The following ZNF695 variants were observed in gnomAD, a reference collection of about 807,000 sequenced individuals.
ZNF695 encodes the protein zinc finger protein SBZF3.
In ZNF695, 11 loss-of-function variants were observed where a neutral mutation model predicts 11.2. The ratio of observed to expected loss-of-function variants is 0.98; its 90% CI spans 0.62 to 1.62. The LOEUF is 1.62. Ranked by LOEUF, ZNF695 falls within the 40% of genes most tolerant of loss-of-function variation. The pLI, the probability that ZNF695 is intolerant of heterozygous loss-of-function variation, is 0.00. For synonymous variants in ZNF695, 190 were observed against 201.4 expected, an observed-to-expected ratio of 0.94 and a Z score of 0.48; for missense variants, 559 against 590.5, an observed-to-expected ratio of 0.95 and a Z score of 0.55.
chr1:246,967,339 G>C lies in ZNF695; in HGVS notation c.488+356C>G, dbSNP rs574491543. ...AGGCAAGGACAGCTGTTAGAAGACT[G>C]TTGCAAAACCCCAAGCTAGAAATGC... On this transcript the variant is annotated intron_variant, in intron 5 of 5. Transcript: ENST00000487338. The C allele has an allele frequency of 1.0e-4, 47 of 456,388 alleles. No homozygotes were observed. The Admixed American group carries it at 1.1e-3, about 11-fold the overall frequency. 28.3% of individuals were successfully genotyped at this position (456,388 alleles called of 1,614,324 possible). A position where few individuals can be genotyped will look rare whatever the true frequency, so the allele number is the denominator to read the frequency against.
intron 5 of ZNF695, among the ~76,000 whole-genome samples, chr1:246,958,266 G>T (rs1009314483): frequency 6.6e-6 from 1 of 152,008 alleles, no homozygotes; most frequent in Non-Finnish European, 1.5e-5. Flanking sequence ...CACCATGTTA[G>T]CCAGGATGTT....
intron 4 of ZNF695, among the ~76,000 whole-genome samples, chr1:246,975,360 CAT>C (rs1668530653): frequency 6.6e-6 from 1 of 152,096 alleles, no homozygotes; most frequent in Non-Finnish European, 1.5e-5. Context: ...GTGTATTTTC[CAT>C]ATATTTATGT....
intron 5 of ZNF695, among the ~76,000 whole-genome samples, chr1:246,951,434 C>T (rs1193099942): frequency 6.6e-6 from 1 of 152,204 alleles, no homozygotes; most frequent in Non-Finnish European, 1.5e-5. Flanking sequence ...ATGTCTGGGG[C>T]TACCAGAAGC....
intron 4 of ZNF695, among the ~76,000 whole-genome samples, chr1:246,971,557 G>A (rs373544420): frequency 3.4e-4 from 51 of 152,138 alleles, no homozygotes; most frequent in African/African-American, 1.1e-3. Flanking sequence ...GCCCTCTAGT[G>A]GCCCTGTCTG....
chr1:246,955,309 T>C lies in ZNF695; in HGVS notation c.489-9482A>G, dbSNP rs114610489. 5.6e-3 allele frequency among the ~76,000 whole-genome samples: 851 copies of C among 152,324 alleles called. 6 individuals carry two copies. Among genetic ancestry groups the C allele is most frequent in the South Asian group, 0.018 (86 of 4,828 alleles). ...TACAAACCTGTACAGCATGTTACTG[T>C]ACTGAATAGTGTAAGGAAATCATCA... On this transcript the variant is annotated intron_variant, in intron 5 of 5. Coordinates refer to the ZNF695 transcript ENST00000487338.
intron 3 of ZNF695, 92 bp downstream of exon 3, chr1:246,999,256 G>A (rs1669294331): frequency 2.0e-6 from 2 of 993,990 alleles, no homozygotes; most frequent in East Asian, 4.9e-5. Context: ...CCATTTCCTG[G>A]GAGTAGAGCT....
chr1:247,000,203 T>A, intron 1 of ZNF695, 129 bp from the exon 2 acceptor site: 1 of 816,982 alleles, frequency 1.2e-6, no homozygotes, highest in Non-Finnish European at 1.9e-6. Flanking sequence ...TAAGATAATT[T>A]TTAACACAGA....
rs1779983 is a variant in ZNF695, at chr1:246,963,353, A to G, written c.488+4342T>C. ...GTAATCCTAGTACTTTGGGAGGCTG[A>G]GGCAGGAGGATCACTTGAGGCTAGG... On this transcript the variant is annotated intron_variant, in intron 5 of 5. Transcript: ENST00000487338. 8.8e-3 allele frequency among the ~76,000 whole-genome samples: 1,341 copies of G among 152,310 alleles called. 25 individuals are homozygous for G. The highest frequency in any genetic ancestry group is 0.031 in the African/African-American group (1,272 of 41,572).
intron 1 of ZNF695, among the ~76,000 whole-genome samples, chr1:247,004,972 GACTGTTAAAATGTT>G (rs59098273): frequency 0.027 from 4,042 of 152,286 alleles, 78 homozygotes; most frequent in Admixed American, 0.061. Context: ...TGGATTGGAA[GACTGTTAAAATGTT>G]ACTGTTAAAA....
intron 5 of ZNF695, chr1:246,967,641 A>C (rs1472382184): frequency 2.7e-6 from 1 of 364,140 alleles, no homozygotes; most frequent in East Asian, 7.3e-5. Flanking sequence ...CATTGCTATA[A>C]AGAACCACCT....
chr1:246,963,359 G>T (rs1369561108), intron 5 of ZNF695, among the ~76,000 whole-genome samples: 1 of 152,216 alleles, frequency 6.6e-6, no homozygotes, highest in Non-Finnish European at 1.5e-5. Context: ...GCTGAGGCAG[G>T]AGGATCACTT....
intron 5 of ZNF695, among the ~76,000 whole-genome samples, chr1:246,966,615 T>C (rs949741336): frequency 6.6e-6 from 1 of 152,114 alleles, no homozygotes; most frequent in Non-Finnish European, 1.5e-5. Flanking sequence ...CATGAACCTG[T>C]CTCTACAATT....
At chr1:246,967,295 T>C in intron 5 of ZNF695, 2 of 450,268 alleles carry the variant, frequency 4.4e-6, no homozygotes, top group Non-Finnish European at 8.9e-6. Context: ...GAGAATAGAT[T>C]GTAAGAAGAC....
In ZNF695 at chr1:246,987,890, C is replaced by T. The variant is rs1426887299; in HGVS notation, c.625G>A (p.Glu209Lys). 6.2e-7 allele frequency: 1 copy of T among 1,609,390 alleles called. No individual in the cohort carries two copies. The highest frequency in any genetic ancestry group is 8.5e-7 in the Non-Finnish European group (1 of 1,178,680). ...MTQQQRIHIG[E>K]NPYQCKKCGK... ...CATTTTTTACATTGGTACGGGTTCT[C>T]TCCAATATGGATTCTCTGCTGTTGA... The change falls in exon 4 of 4, where the codon GAG (glutamate) becomes AAG (lysine). Residue 209 changes from glutamate to lysine, a missense_variant. Physicochemically the swap from Glu to Lys is moderately conservative, Grantham distance 56. Transcript: ENST00000339986.
At chr1:246,958,953 A>G (rs1668077837) in intron 5 of ZNF695, among the ~76,000 whole-genome samples, 1 of 151,958 alleles carries the variant, frequency 6.6e-6, no homozygotes, top group African/African-American at 2.4e-5. Flanking sequence ...TGAATCAGAT[A>G]CTGTAAATTA....
chr1:246,949,401 GCCA>G (rs1667816382), intron 5 of ZNF695, among the ~76,000 whole-genome samples: 1 of 152,068 alleles, frequency 6.6e-6, no homozygotes, highest in Non-Finnish European at 1.5e-5. Context: ...GATCAGCCTG[GCCA>G]ACATGGCGAA....
At chr1:246,951,283 G>A (rs1667864675) in intron 5 of ZNF695, among the ~76,000 whole-genome samples, 3 of 152,168 alleles carry the variant, frequency 2.0e-5, no homozygotes. Context: ...CGGAAATAGA[G>A]GCACTGCAAG....
chr1:246,959,310 A>AAAAAAAAATATATATAT (rs1558304450), intron 5 of ZNF695, among the ~76,000 whole-genome samples: 2 of 51,254 alleles, frequency 3.9e-5, no homozygotes, highest in Non-Finnish European at 6.4e-5. Context: ...AAAAAAAAAA[A>AAAAAAAAATATATATAT]ATATATATAT....
At chr1:246,963,440 A>G (rs1405811758) in intron 5 of ZNF695, among the ~76,000 whole-genome samples, 2 of 152,206 alleles carry the variant, frequency 1.3e-5, no homozygotes, top group Non-Finnish European at 2.9e-5. Context: ...AATAAAAAGA[A>G]AAATAAAAAA....
Sources: gnomAD v4.1 joint callset for allele counts (sites outside exome capture counted in the v4.1 genomes callset) on GRCh38, gnomAD v4.1.1 for gene constraint, MANE v1.5 for transcripts, NCBI Gene and HGNC (gene_info 2026-07-23, HGNC 2026-07-21) for gene names.